The following CLECL1 variants were observed in gnomAD, a reference collection of about 807,000 sequenced individuals.
The protein encoded by CLECL1 is C-type lectin-like domain family 1.
At chr12:9,732,878 T>C in intron 1 of CLECL1, 71 bp downstream of exon 1, 1 of 1,264,122 alleles carries the variant, frequency 7.9e-7, no homozygotes, top group Non-Finnish European at 1.1e-6. Context: ...GGCAATTAGA[T>C]ACATAAGAAA....
At chr12:9,718,655 G>T, downstream of CLECL1, 2 of 682,654 alleles carry the variant, frequency 2.9e-6, no homozygotes, top group Non-Finnish European at 2.7e-6. Context: ...AGGCCATTGC[G>T]GTGGGCCCTA....
At chr12:9,716,883 CTCCATCTTAGAA>C in intron 2 of CLECL1, 1 of 530,072 alleles carries the variant, frequency 1.9e-6, no homozygotes, top group Non-Finnish European at 3.0e-6. Context: ...ACTTGCTAGA[CTCCATCTTAGAA>C]TCACATGAGA....
chr12:9,733,664 T>A (rs897778005), upstream of CLECL1, among the ~76,000 whole-genome samples: 3 of 152,072 alleles, frequency 2.0e-5, no homozygotes, highest in African/African-American at 7.2e-5. Context: ...AAAATATATA[T>A]TTAAGAAACA....
intron 3 of CLECL1, among the ~76,000 whole-genome samples, chr12:9,727,448 A>T (rs1031409228): frequency 1.3e-4 from 20 of 151,808 alleles, no homozygotes; most frequent in African/African-American, 4.6e-4. Flanking sequence ...CAATGATCTA[A>T]ACCATCTGTC....
At chr12:9,732,549 A>G (rs1866459775) in intron 1 of CLECL1, among the ~76,000 whole-genome samples, 1 of 152,280 alleles carries the variant, frequency 6.6e-6, no homozygotes, top group South Asian at 2.1e-4. Context: ...AAATAACAAT[A>G]TGAGTAAATT....
At chr12:9,730,541 CATCTT>C (rs1565483641) in intron 1 of CLECL1, among the ~76,000 whole-genome samples, 1 of 152,144 alleles carries the variant, frequency 6.6e-6, no homozygotes, top group African/African-American at 2.4e-5. Context: ...TTAATTAAAA[CATCTT>C]TAATAGGAAT....
chr12:9,703,963 T>C, the CLECL1 span: 2 of 152,336 alleles, frequency 1.3e-5, no homozygotes, highest in East Asian at 3.8e-4. Context: ...TATGATATTT[T>C]CCACCTTAAT....
downstream of CLECL1, among the ~76,000 whole-genome samples, chr12:9,720,212 TC>T (rs900755716): frequency 1.3e-5 from 2 of 152,080 alleles, no homozygotes; most frequent in Non-Finnish European, 2.9e-5. Context: ...GCAACGATGT[TC>T]CCCCAGTTCC....
intron 3 of CLECL1, among the ~76,000 whole-genome samples, chr12:9,727,256 G>T (rs1190462516): frequency 6.6e-6 from 1 of 151,648 alleles, no homozygotes; most frequent in Admixed American, 6.6e-5. Context: ...TAAGAGGAAA[G>T]AAATTTTAAC....
At chr12:9,717,716 T>C (rs1866255737), downstream of CLECL1, among the ~76,000 whole-genome samples, 1 of 152,238 alleles carries the variant, frequency 6.6e-6, no homozygotes, top group Non-Finnish European at 1.5e-5. Flanking sequence ...GGGTCTATTT[T>C]GAGCCTTCTT....
At chr12:9,729,542 GAGAAAA>G (rs1456092281) in intron 2 of CLECL1, among the ~76,000 whole-genome samples, 2 of 151,098 alleles carry the variant, frequency 1.3e-5, no homozygotes, top group Admixed American at 6.6e-5. Flanking sequence ...AACAAGTTAG[GAGAAAA>G]ATAATACCCT....
downstream of CLECL1, among the ~76,000 whole-genome samples, chr12:9,712,060 C>T (rs1468479681): frequency 6.6e-6 from 1 of 152,062 alleles, no homozygotes. Context: ...TATTCTCTAC[C>T]TTTTGAGGCC....
intron 1 of CLECL1, among the ~76,000 whole-genome samples, chr12:9,731,751 G>A (rs1866449793): frequency 6.6e-6 from 1 of 152,252 alleles, no homozygotes; most frequent in African/African-American, 2.4e-5. Flanking sequence ...ATTAAAAGAT[G>A]TTGCCCCACA....
intron 1 of CLECL1, among the ~76,000 whole-genome samples, chr12:9,731,676 A>T (rs1347334264): frequency 6.6e-6 from 1 of 152,252 alleles, no homozygotes; most frequent in East Asian, 1.9e-4. Context: ...GACTATAGGT[A>T]GGTAATTTAA....
intron 1 of CLECL1, 141 bp downstream of exon 1, chr12:9,732,808 C>T (rs1431989245): frequency 3.3e-6 from 2 of 614,712 alleles, no homozygotes; most frequent in African/African-American, 1.9e-5. Context: ...TAAAAACATT[C>T]GCTCTTATTC....
chr12:9,720,206 C>T (rs752395587), downstream of CLECL1, among the ~76,000 whole-genome samples: 4 of 152,266 alleles, frequency 2.6e-5, no homozygotes, highest in African/African-American at 9.6e-5. Context: ...CCACCTGCAA[C>T]GATGTTCCCC....
At chr12:9,724,628 C>T (rs183186689) in intron 3 of CLECL1, among the ~76,000 whole-genome samples, 20 of 152,208 alleles carry the variant, frequency 1.3e-4, no homozygotes, top group East Asian at 3.9e-4. Flanking sequence ...AACAAGTTAG[C>T]GAACTTGAAA....
the CLECL1 span, among the ~76,000 whole-genome samples, chr12:9,704,985 A>G: frequency 9.3e-4 from 141 of 152,348 alleles, no homozygotes; most frequent in Non-Finnish European, 1.6e-3. Context: ...AGAAATTGCC[A>G]TACTGTCTTC....
chr12:9,703,560 A>G, the CLECL1 span, among the ~76,000 whole-genome samples: 2 of 151,898 alleles, frequency 1.3e-5, no homozygotes, highest in African/African-American at 4.8e-5. Flanking sequence ...ATACCTGACT[A>G]ATTTTTGAAT....
Sources: gnomAD v4.1 joint callset for allele counts (sites outside exome capture counted in the v4.1 genomes callset) on GRCh38, gnomAD v4.1.1 for gene constraint, MANE v1.5 for transcripts, NCBI Gene and HGNC (gene_info 2026-07-23, HGNC 2026-07-21) for gene names.